The following TBCD variants were observed in gnomAD, a reference collection of about 807,000 sequenced individuals.
The protein encoded by TBCD is tubulin-specific chaperone D.
A neutral mutation model predicts 169.3 loss-of-function variants in TBCD; 105 were observed. The observed-to-expected ratio is 0.62, with a 90% CI of 0.53 to 0.73. The LOEUF is 0.73. Among genes scored for constraint, TBCD ranks in the 30% least tolerant of loss-of-function variants. The pLI is 0.00. For missense variants in TBCD, 1,444 were observed against 1,600.1 expected (o/e 0.90, Z 1.66); for synonymous variants, 700 against 643.9 (o/e 1.09, Z -1.32).
chr17:82,773,023 G>A (rs1568111036), intron 6 of TBCD, among the ~76,000 whole-genome samples: 1 of 152,184 alleles, frequency 6.6e-6, no homozygotes. Context: ...TAGACTGAGC[G>A]AACCTGTTTC....
chr17:82,788,627 T>C (rs1430990051), intron 7 of TBCD, among the ~76,000 whole-genome samples: 1 of 152,184 alleles, frequency 6.6e-6, no homozygotes, highest in African/African-American at 2.4e-5. Flanking sequence ...TCAGCCTCAC[T>C]CCCAGCTCCC....
At chr17:82,791,874 C>T (rs151137814) in intron 7 of TBCD, among the ~76,000 whole-genome samples, 6 of 148,344 alleles carry the variant, frequency 4.0e-5, no homozygotes, top group Admixed American at 1.3e-4. Context: ...CCAGGTGGTG[C>T]GGCCTGCTGC....
intron 13 of TBCD, among the ~76,000 whole-genome samples, chr17:82,823,199 G>A (rs1388190234): frequency 6.6e-6 from 1 of 151,296 alleles, no homozygotes; most frequent in Non-Finnish European, 1.5e-5. Flanking sequence ...AGGCTCTTGT[G>A]GGGGGCCCTG....
intron 16 of TBCD, among the ~76,000 whole-genome samples, 152 bp from the exon 17 acceptor site, chr17:82,893,395 G>T (rs539970138): frequency 6.6e-6 from 1 of 152,250 alleles, no homozygotes; most frequent in Admixed American, 6.5e-5. Flanking sequence ...AGTCCTCGGC[G>T]AGCCATGTCT....
At chr17:82,847,076 G>A (rs1418512201) in intron 13 of TBCD, among the ~76,000 whole-genome samples, 1 of 152,214 alleles carries the variant, frequency 6.6e-6, no homozygotes, top group Non-Finnish European at 1.5e-5. Context: ...AACAGGCCGG[G>A]CGTGGTGGCT....
At chr17:82,802,254 G>A (rs2050626835) in intron 9 of TBCD, among the ~76,000 whole-genome samples, 1 of 151,638 alleles carries the variant, frequency 6.6e-6, no homozygotes, top group South Asian at 2.1e-4. Context: ...GTGTGTTAGC[G>A]ACCTTCAGTT....
intron 7 of TBCD, among the ~76,000 whole-genome samples, chr17:82,783,846 C>T (rs193078616): frequency 3.9e-5 from 6 of 151,984 alleles, no homozygotes; most frequent in East Asian, 3.9e-4. Context: ...GCTTTCAGGC[C>T]GGGCGCGGTG....
intron 17 of TBCD, among the ~76,000 whole-genome samples, chr17:82,898,395 G>A (rs2059640151): frequency 6.6e-6 from 1 of 152,132 alleles, no homozygotes; most frequent in Admixed American, 6.5e-5. Flanking sequence ...GGAGCACACG[G>A]CTGCTTCCCA....
intron 13 of TBCD, among the ~76,000 whole-genome samples, chr17:82,834,694 A>G (rs1030269814): frequency 6.6e-4 from 100 of 151,326 alleles, no homozygotes; most frequent in African/African-American, 2.4e-3. Context: ...AGGGAGGGGA[A>G]CATCACACAC....
At chr17:82,914,065 G>C (rs951695744) in intron 23 of TBCD, 1 of 152,464 alleles carries the variant, frequency 6.6e-6, no homozygotes, top group Non-Finnish European at 1.5e-5. Flanking sequence ...TAGCCACCCT[G>C]TCCTGTCCCT....
chr17:82,915,212 C>G lies in TBCD; in HGVS notation c.2038+3423C>G, dbSNP rs1315640533. 6.6e-6 allele frequency among the ~76,000 whole-genome samples: 1 copy of G among 152,140 alleles called. No homozygotes were observed. The highest frequency in any genetic ancestry group is 1.5e-5 in the Non-Finnish European group (1 of 68,020). The stretch of plus-strand genomic sequence containing the variant: ...CTTACCCCCGAGGACGCCGGCATGT[C>G]GGTGACATGCCGCCCGCAGGAGCAT... On this transcript the variant is annotated intron_variant, in intron 23 of 38. Transcript: ENST00000355528. The surrounding 1 kb of genome is among the most constrained non-coding windows in gnomAD (Gnocchi z 4.3).
At chr17:82,784,193 TAA>T (rs1389681522) in intron 7 of TBCD, among the ~76,000 whole-genome samples, 1 of 152,176 alleles carries the variant, frequency 6.6e-6, no homozygotes, top group African/African-American at 2.4e-5. Flanking sequence ...CACTAGTTTT[TAA>T]TAAAATTTTA....
chr17:82,841,532 C>A (rs1263467996), intron 13 of TBCD, among the ~76,000 whole-genome samples: 2 of 151,988 alleles, frequency 1.3e-5, no homozygotes, highest in Non-Finnish European at 2.9e-5. Context: ...TGGTTTAATA[C>A]CTTAAAATTT....
chr17:82,891,703 G>C (rs1009697967), intron 16 of TBCD, among the ~76,000 whole-genome samples: 2 of 152,056 alleles, frequency 1.3e-5, no homozygotes, highest in African/African-American at 4.8e-5. Flanking sequence ...CGTTACAGTG[G>C]AGGCCGCTGG....
Position 82,752,909 on chromosome 17 carries a change from G to A in TBCD, c.184+532G>A, listed in dbSNP as rs541056373. Among the ~76,000 whole-genome samples, 86 of 152,334 alleles carry A rather than the reference G, an allele frequency of 5.6e-4. 1 individual carries two copies. The South Asian group carries it at 7.9e-3, about 14-fold the overall frequency. ...CCTCGGGTGGGGAGGGCAGCAGCCT[G>A]TCCGTTCCGTGGACGCCGTGGACAG... On this transcript the variant is annotated intron_variant, in intron 1 of 38. Transcript: ENST00000355528.
rs1456317209 is a variant in TBCD at position 82,944,252 on chromosome 17, C to T, written c.*1789C>T. The stretch of plus-strand genomic sequence containing the variant: ...TTAGCAACCCGAGGAAAGTGGATCA[C>T]TCCACTGGCCACTGCCTCTTTCCCA... On this transcript the variant is annotated 3_prime_UTR_variant, in exon 39 of 39. Transcript: ENST00000355528. The T allele has an allele frequency of 2.1e-5, 3 of 142,324 alleles. No homozygotes were observed. Among genetic ancestry groups the T allele is most frequent in the East Asian group, 2.2e-4 (1 of 4,530 alleles). 8.8% of individuals were successfully genotyped at this position (142,324 alleles called of 1,614,324 possible). A position where few individuals can be genotyped will look rare whatever the true frequency, so the allele number is the denominator to read the frequency against.
intron 18 of TBCD, among the ~76,000 whole-genome samples, chr17:82,900,974 C>T (rs1475283648): frequency 2.6e-5 from 4 of 152,236 alleles, no homozygotes; most frequent in Non-Finnish European, 5.9e-5. Flanking sequence ...TGCAAATGTC[C>T]ACGCTGGCGT....
chr17:82,881,628 T>C (rs963926631), intron 14 of TBCD, among the ~76,000 whole-genome samples: 3 of 152,216 alleles, frequency 2.0e-5, no homozygotes, highest in African/African-American at 7.2e-5. Context: ...TGCCCATGGT[T>C]GGTGGCCGTG....
Position 82,889,587 on chromosome 17 carries a change from G to A in TBCD, c.1534-81G>A, listed in dbSNP as rs2058989260. 6.4e-7 allele frequency: 1 copy of A among 1,552,890 alleles called. No homozygotes were observed. The highest frequency in any genetic ancestry group is 1.4e-5 in the African/African-American group (1 of 73,608). ...AATAAAGCCGTGGGTCATTCACGTTGTGCTGTTTGTTCTGAACTTGCCTCT... is the reference window on the plus strand; with the variant it reads ...AATAAAGCCGTGGGTCATTCACGTTATGCTGTTTGTTCTGAACTTGCCTCT... On this transcript the variant is annotated intron_variant, in intron 15 of 38. Transcript: ENST00000355528. The surrounding 1 kb of genome is among the most constrained non-coding windows in gnomAD (Gnocchi z 5.3).
Sources: gnomAD v4.1 joint callset for allele counts (sites outside exome capture counted in the v4.1 genomes callset) on GRCh38, gnomAD v4.1.1 for gene constraint, Gnocchi (gnomAD v3.1) non-coding constraint, MANE v1.5 for transcripts, NCBI Gene and HGNC (gene_info 2026-07-23, HGNC 2026-07-21) for gene names.